ADAM22: variants seen among roughly 807,000 people sequenced by gnomAD.
The protein encoded by ADAM22 is ADAM metallopeptidase domain 22, also known as disintegrin and metalloproteinase domain-containing protein 22.
In ADAM22, 65 loss-of-function variants were observed where a neutral mutation model predicts 144.6. That is an observed-to-expected ratio of 0.45 (90% confidence interval 0.37 to 0.55). The LOEUF (loss-of-function observed/expected upper bound fraction) is 0.55, where lower values mean the gene tolerates loss of function less well. Ranked by LOEUF, ADAM22 falls within the 20% of genes least tolerant of loss-of-function variation. The probability of loss-of-function intolerance (pLI) is 0.00; values close to 1 mark genes in which losing one functional copy is unlikely to be tolerated. For missense variants in ADAM22, 974 were observed against 1,184.9 expected (o/e 0.82, Z 2.61); for synonymous variants, 391 against 412.6 (o/e 0.95, Z 0.63).
intron 3 of ADAM22, among the ~76,000 whole-genome samples, chr7:87,983,931 A>G (rs762024799): frequency 9.2e-5 from 14 of 152,226 alleles, no homozygotes; most frequent in Middle Eastern, 3.4e-3. Context: ...CAAGGCCTGT[A>G]GATAGGTTTG....
chr7:88,058,844 T>C (rs1808994950), intron 3 of ADAM22, among the ~76,000 whole-genome samples: 1 of 152,164 alleles, frequency 6.6e-6, no homozygotes. Context: ...ACATATACTG[T>C]GTTGCCTCTA....
Position 88,136,028 on chromosome 7 carries a change from C to A in ADAM22, c.1217C>A (p.Thr406Asn), listed in dbSNP as rs1832915179. 6.2e-7 allele frequency: 1 copy of A among 1,611,534 alleles called. No homozygotes were observed. Among genetic ancestry groups the A allele is most frequent in the African/African-American group, 1.3e-5 (1 of 74,868 alleles). ...DTWSGCIMGD[T>N]GYYLPKKFTQ... ...TGGTCCGGGTGCATAATGGGAGACA[C>A]TGGGTGAGCCACTTGTATTTGAAAA... The change falls in exon 14 of 32, where the codon ACT (threonine) becomes AAT (asparagine). Residue 406 changes from threonine (T) to asparagine (N), a missense_variant. By Grantham distance (65) the Thr-to-Asn change is moderately conservative. Around this residue, in one of 2 missense-constraint regions of ADAM22, gnomAD observed 734 missense variants for 950.6 expected, o/e 0.77. Coordinates refer to ENST00000413139, the MANE Select transcript of ADAM22 (RefSeq NM_001324418.2).
At chr7:87,952,673 G>T (rs1260748307) in intron 2 of ADAM22, among the ~76,000 whole-genome samples, 3 of 152,038 alleles carry the variant, frequency 2.0e-5, no homozygotes, top group Non-Finnish European at 4.4e-5. Flanking sequence ...AGTTAGGGAG[G>T]ATTCCCTCTT....
chr7:88,175,160 G>A (rs1041450291), intron 26 of ADAM22, among the ~76,000 whole-genome samples: 1 of 152,006 alleles, frequency 6.6e-6, no homozygotes, highest in Non-Finnish European at 1.5e-5. Context: ...TCTCATAACA[G>A]GACCATTAGC....
intron 4 of ADAM22, among the ~76,000 whole-genome samples, chr7:88,088,933 G>T (rs549317029): frequency 5.7e-4 from 86 of 151,984 alleles, no homozygotes; most frequent in African/African-American, 1.8e-3. Flanking sequence ...TTATAGTTTA[G>T]TGACTGCATT....
chr7:88,097,166 T>C (rs1467668884), intron 4 of ADAM22, among the ~76,000 whole-genome samples: 2 of 149,302 alleles, frequency 1.3e-5, no homozygotes, highest in Non-Finnish European at 3.0e-5. Context: ...TTTTTTTTTT[T>C]TTTGAGACAG....
At chr7:88,090,962 CAAGAACTGTGATATTCTCACAG>C (rs1378358845) in intron 4 of ADAM22, among the ~76,000 whole-genome samples, 2 of 152,048 alleles carry the variant, frequency 1.3e-5, no homozygotes, top group African/African-American at 4.8e-5. Flanking sequence ...GTTACTCGTT[CAAGAACTGTGATATTCTCACAG>C]AAGTATTTTA....
intron 4 of ADAM22, among the ~76,000 whole-genome samples, chr7:88,107,715 G>A (rs1824814809): frequency 6.6e-6 from 1 of 151,718 alleles, no homozygotes; most frequent in Admixed American, 6.6e-5. Context: ...CCTCCCAAGA[G>A]GCTAGGAATA....
chr7:88,181,980 G>C lies in ADAM22; in HGVS notation c.2619G>C (p.Lys873Asn), dbSNP rs1847153644. 13 of 1,613,630 alleles carry C rather than the reference G, an allele frequency of 8.1e-6. No individual in the cohort carries two copies. Among genetic ancestry groups the C allele is most frequent in the Non-Finnish European group, 1.0e-5 (12 of 1,179,744 alleles). Residue 873 changes from lysine to asparagine, a missense_variant, in exon 29 of 32, where the codon AAG becomes AAC. Physicochemically the swap from Lys to Asn is moderately conservative, Grantham distance 94 (BLOSUM62 0). Coordinates refer to ENST00000413139, the MANE Select transcript of ADAM22 (RefSeq NM_001324418.2). ...SWQGNLGGNKKKIRGKRFRPR... is the reference protein window; with the variant it reads ...SWQGNLGGNKNKIRGKRFRPR... ...CAGGTAACCTGGGAGGCAACAAAAA[G>C]AAAATCAGAGGCAAAAGATTTAGAC...
At chr7:87,955,891 A>G (rs1846580658) in intron 2 of ADAM22, among the ~76,000 whole-genome samples, 1 of 152,184 alleles carries the variant, frequency 6.6e-6, no homozygotes, top group Non-Finnish European at 1.5e-5. Context: ...CTGCTGTGCT[A>G]GCAATCAGGG....
intron 8 of ADAM22, among the ~76,000 whole-genome samples, chr7:88,125,914 T>G (rs1471450453): frequency 6.6e-6 from 1 of 152,016 alleles, no homozygotes; most frequent in African/African-American, 2.4e-5. Context: ...CTCCTGCTTG[T>G]GGCACCTTGG....
At chr7:88,173,356 A>G (rs1475096426) in intron 26 of ADAM22, among the ~76,000 whole-genome samples, 1 of 151,946 alleles carries the variant, frequency 6.6e-6, no homozygotes, top group East Asian at 1.9e-4. Context: ...GTGGATATTT[A>G]TTTTATATAT....
At chr7:88,041,446 A>G (rs760323496) in intron 3 of ADAM22, among the ~76,000 whole-genome samples, 5 of 151,684 alleles carry the variant, frequency 3.3e-5, no homozygotes, top group Non-Finnish European at 7.4e-5. Context: ...TTACACATCC[A>G]TATATATTTT....
chr7:88,077,694 A>G (rs7801265), intron 4 of ADAM22, among the ~76,000 whole-genome samples: 3,342 of 152,302 alleles, frequency 0.022, 138 homozygotes, highest in African/African-American at 0.076. Flanking sequence ...CCAGGAGATT[A>G]TATCCCACAC....
intron 4 of ADAM22, among the ~76,000 whole-genome samples, chr7:88,079,438 C>T (rs567198731): frequency 6.6e-6 from 1 of 152,282 alleles, no homozygotes; most frequent in Admixed American, 6.5e-5. Context: ...ACTGCATCAA[C>T]TAACGAGCAA....
intron 4 of ADAM22, among the ~76,000 whole-genome samples, chr7:88,107,674 C>T (rs1220033626): frequency 1.3e-5 from 2 of 152,100 alleles, no homozygotes; most frequent in Non-Finnish European, 2.9e-5. Context: ...CAGCCTCAAA[C>T]TCCTGGGTTC....
chr7:88,012,022 T>C (rs1323746445), intron 3 of ADAM22, among the ~76,000 whole-genome samples: 3 of 142,346 alleles, frequency 2.1e-5, no homozygotes, highest in Admixed American at 7.6e-5. Flanking sequence ...TAGAGTATTG[T>C]GTTCTGTTTT....
Position 88,108,169 on chromosome 7 carries a change from T to G in ADAM22, c.391-7T>G. ...CAAAGACTTACATTCTTTATTTCTG[T>G]TTTCAGGGAGGAGAGCACTGTTACT... On this transcript the variant is annotated splice_region_variant and splice_polypyrimidine_tract_variant and intron_variant, in intron 4 of 31. Coordinates refer to ENST00000413139, the MANE Select transcript of ADAM22 (RefSeq NM_001324418.2). The G allele has an allele frequency of 6.2e-7, 1 of 1,608,874 alleles. No homozygotes were observed. Among genetic ancestry groups the G allele is most frequent in the Non-Finnish European group, 8.5e-7 (1 of 1,178,314 alleles).
At chr7:87,959,787 A>G (rs1246668066) in intron 2 of ADAM22, among the ~76,000 whole-genome samples, 2 of 152,242 alleles carry the variant, frequency 1.3e-5, no homozygotes, top group African/African-American at 4.8e-5. Context: ...CATTTGAAAT[A>G]TATGTATGGC....
Sources: allele counts gnomAD v4.1 joint callset (sites outside exome capture counted in the v4.1 genomes callset), GRCh38; gene constraint gnomAD v4.1.1; regional missense constraint gnomAD v4.1.1; transcripts MANE v1.5; gene names NCBI Gene and HGNC (gene_info 2026-07-23, HGNC 2026-07-21).